Variants in NHEJ1 observed in about 807,000 individuals in gnomAD.
The protein encoded by NHEJ1 is non-homologous end-joining factor 1.
Under a neutral mutation model 39.4 loss-of-function variants are expected in NHEJ1, and 22 were observed. That is an observed-to-expected ratio of 0.56 (90% CI 0.40 to 0.80). The LOEUF (loss-of-function observed/expected upper bound fraction) is 0.80, where lower values mean the gene tolerates loss of function less well. NHEJ1 is among the 30% of genes least tolerant of loss of function. The probability of loss-of-function intolerance (pLI) is 0.00; values close to 1 mark genes in which losing one functional copy is unlikely to be tolerated. For synonymous variants in NHEJ1, 154 were observed against 135.6 expected, an observed-to-expected ratio of 1.14 and a Z score of -0.94; for missense variants, 329 against 357.1, an observed-to-expected ratio of 0.92 and a Z score of 0.63.
chr2:219,101,323 C>T (rs777506261), intron 5 of NHEJ1, among the ~76,000 whole-genome samples: 2 of 152,134 alleles, frequency 1.3e-5, no homozygotes, highest in African/African-American at 4.8e-5. Flanking sequence ...CCATGTTGGC[C>T]AGGCTGGTCT....
chr2:219,109,942 A>T (rs944210517), intron 5 of NHEJ1, among the ~76,000 whole-genome samples: 7 of 152,172 alleles, frequency 4.6e-5, no homozygotes, highest in Non-Finnish European at 1.0e-4. Flanking sequence ...CATATCAAAA[A>T]TTTTTTGGTA....
chr2:219,152,261 T>C (rs1465088613), intron 3 of NHEJ1, among the ~76,000 whole-genome samples: 1 of 152,194 alleles, frequency 6.6e-6, no homozygotes, highest in Non-Finnish European at 1.5e-5. Context: ...GAGGAAAAGC[T>C]ATTTATAATT....
At chr2:219,125,523 C>G (rs538948473) in intron 5 of NHEJ1, 1 of 152,650 alleles carries the variant, frequency 6.6e-6, no homozygotes, top group Non-Finnish European at 1.5e-5. Context: ...CACAAGGGAT[C>G]TTGTCTTGTG....
chr2:219,139,606 G>T (rs1949670693), intron 5 of NHEJ1, among the ~76,000 whole-genome samples: 1 of 152,192 alleles, frequency 6.6e-6, no homozygotes, highest in South Asian at 2.1e-4. Flanking sequence ...CCACTAAGCT[G>T]CTCCCAGATT....
chr2:219,092,320 CA>C (rs1949168209), intron 5 of NHEJ1, among the ~76,000 whole-genome samples: 1 of 151,236 alleles, frequency 6.6e-6, no homozygotes, highest in African/African-American at 2.4e-5. Flanking sequence ...TATAGGATTA[CA>C]AAGGAAACCA....
At chr2:219,112,086 G>T (rs1422363394) in intron 5 of NHEJ1, among the ~76,000 whole-genome samples, 3 of 152,158 alleles carry the variant, frequency 2.0e-5, no homozygotes, top group Non-Finnish European at 4.4e-5. Context: ...GCTTCGGCAA[G>T]GAAAAATTGC....
At chr2:219,153,695 G>GA (rs1156943291) in intron 3 of NHEJ1, among the ~76,000 whole-genome samples, 9 of 102,982 alleles carry the variant, frequency 8.7e-5, no homozygotes, top group Non-Finnish European at 1.8e-4. Context: ...AAAGAAAAGG[G>GA]GGGGGGGGTG....
intron 5 of NHEJ1, among the ~76,000 whole-genome samples, chr2:219,096,144 C>G (rs1949205965): frequency 6.6e-6 from 1 of 152,108 alleles, no homozygotes; most frequent in South Asian, 2.1e-4. Context: ...CTATCTCTTG[C>G]TATTTACGTA....
intron 3 of NHEJ1, among the ~76,000 whole-genome samples, chr2:219,156,636 T>G (rs142093018): frequency 1.3e-5 from 2 of 152,378 alleles, no homozygotes; most frequent in Non-Finnish European, 2.9e-5. Flanking sequence ...CCAACTCATT[T>G]ATTCATAAGC....
At chr2:219,127,287 A>G (rs1376427005) in intron 5 of NHEJ1, among the ~76,000 whole-genome samples, 2 of 151,436 alleles carry the variant, frequency 1.3e-5, no homozygotes, top group Non-Finnish European at 2.9e-5. Context: ...GCAGGTTCCC[A>G]CTCCCTTCCT....
intron 5 of NHEJ1, among the ~76,000 whole-genome samples, chr2:219,136,201 A>G (rs908359553): frequency 1.3e-5 from 2 of 152,190 alleles, no homozygotes; most frequent in African/African-American, 4.8e-5. Context: ...TCAGAAACCC[A>G]AAATGGATAA....
chr2:219,095,341 G>A (rs1158821354), intron 5 of NHEJ1: 1 of 470,900 alleles, frequency 2.1e-6, no homozygotes, highest in Non-Finnish European at 4.4e-6. Flanking sequence ...CAGTTTTGAT[G>A]GGTATATCTT....
At chr2:219,129,879 G>A (rs1949561173) in intron 5 of NHEJ1, among the ~76,000 whole-genome samples, 1 of 152,084 alleles carries the variant, frequency 6.6e-6, no homozygotes, top group Non-Finnish European at 1.5e-5. Flanking sequence ...TTTTTTTATA[G>A]TCTGTTTACC....
intron 5 of NHEJ1, among the ~76,000 whole-genome samples, chr2:219,100,735 C>A (rs1338168897): frequency 1.3e-5 from 2 of 152,022 alleles, no homozygotes; most frequent in Non-Finnish European, 1.5e-5. Flanking sequence ...TCCCACCAAG[C>A]CAGACAGGGT....
intron 5 of NHEJ1, among the ~76,000 whole-genome samples, chr2:219,086,966 G>A (rs1949117233): frequency 6.6e-6 from 1 of 152,066 alleles, no homozygotes; most frequent in Non-Finnish European, 1.5e-5. Context: ...TTCTAGTCTG[G>A]AGGGCAACTA....
chr2:219,076,494 A>AT, intron 7 of NHEJ1, 39 bp from the exon 8 acceptor site: 3 of 1,586,828 alleles, frequency 1.9e-6, no homozygotes, highest in Non-Finnish European at 2.6e-6. Flanking sequence ...GGGTTTTGAA[A>AT]TAGTTCCACT....
chr2:219,140,264 T>C (rs1051217229), intron 5 of NHEJ1, among the ~76,000 whole-genome samples: 6 of 152,204 alleles, frequency 3.9e-5, no homozygotes, highest in Non-Finnish European at 8.8e-5. Context: ...TATAAGATCA[T>C]ATAGGGTTTT....
chr2:219,155,537 T>C (rs907494571), intron 3 of NHEJ1, among the ~76,000 whole-genome samples: 5 of 152,184 alleles, frequency 3.3e-5, no homozygotes, highest in African/African-American at 1.2e-4. Context: ...TGTGAGTATA[T>C]GCTAAGTACT....
chr2:219,093,368 G>A (rs1195064801), intron 5 of NHEJ1, among the ~76,000 whole-genome samples: 1 of 152,182 alleles, frequency 6.6e-6, no homozygotes. Flanking sequence ...GCATCTTTAG[G>A]TTTAAGGAGG....
Sources: allele counts gnomAD v4.1 joint callset (sites outside exome capture counted in the v4.1 genomes callset), GRCh38; gene constraint gnomAD v4.1.1; transcripts MANE v1.5; gene names NCBI Gene and HGNC (gene_info 2026-07-23, HGNC 2026-07-21).